Variants in NELL2 observed in about 807,000 individuals in gnomAD.
NELL2 encodes the protein protein kinase C-binding protein NELL2.
Under a neutral mutation model 109.6 loss-of-function variants are expected in NELL2, and 41 were observed. The ratio of observed to expected loss-of-function variants is 0.37; its 90% CI spans 0.29 to 0.49. NELL2 has a LOEUF of 0.49. Ranked by LOEUF, NELL2 falls within the 20% of genes least tolerant of loss-of-function variation. The pLI is 0.98. For missense variants in NELL2, 900 were observed against 1,008.3 expected (o/e 0.89, Z 1.45); for synonymous variants, 355 against 344.7 (o/e 1.03, Z -0.33).
At chr12:44,779,811 G>C (rs1941887640) in intron 4 of NELL2, 38 bp downstream of exon 4, 3 of 1,613,278 alleles carry the variant, frequency 1.9e-6, no homozygotes, top group Non-Finnish European at 2.5e-6. Flanking sequence ...TCATTTCTTA[G>C]AATCTTCCAT....
chr12:44,832,670 A>G (rs1407840340), intron 2 of NELL2, among the ~76,000 whole-genome samples: 2 of 152,350 alleles, frequency 1.3e-5, no homozygotes, highest in East Asian at 3.9e-4. Context: ...ATTGCCACCT[A>G]TTTTAATATT....
rs545964873 is a variant in NELL2 at position 44,831,076 on chromosome 12, C to A, written c.185-14940G>T. On this transcript the variant is annotated intron_variant, in intron 2 of 19. Transcript: ENST00000429094. ...ACAACCCACCACCAGCCCCATCTTACCACCCTCTTGAAGTTTTTCCCACCA... is the reference window on the plus strand; with the variant it reads ...ACAACCCACCACCAGCCCCATCTTAACACCCTCTTGAAGTTTTTCCCACCA... Among the ~76,000 whole-genome samples the A allele has an allele frequency of 1.5e-4, 23 of 152,136 alleles. No individual in the cohort carries two copies. In the East Asian group the frequency reaches 4.3e-3, roughly 28 times the overall value.
chr12:44,550,031 C>CACAGAA (rs1277540117), intron 15 of NELL2, among the ~76,000 whole-genome samples: 1 of 152,064 alleles, frequency 6.6e-6, no homozygotes, highest in Non-Finnish European at 1.5e-5. Flanking sequence ...ATGGTACTGG[C>CACAGAA]ACAGAAACAG....
chr12:44,655,671 C>T (rs1947474534), intron 13 of NELL2, among the ~76,000 whole-genome samples: 1 of 152,084 alleles, frequency 6.6e-6, no homozygotes, highest in Non-Finnish European at 1.5e-5. Flanking sequence ...ACATGCTTTT[C>T]TAGAGATGCT....
intron 15 of NELL2, among the ~76,000 whole-genome samples, chr12:44,565,341 C>G (rs954976761): frequency 2.6e-5 from 4 of 152,100 alleles, no homozygotes; most frequent in Admixed American, 1.3e-4. Context: ...ACTAAAAATG[C>G]TGCCAATTAA....
chr12:44,586,391 T>G (rs1274867309), intron 15 of NELL2, among the ~76,000 whole-genome samples: 1 of 151,246 alleles, frequency 6.6e-6, no homozygotes, highest in Non-Finnish European at 1.5e-5. Context: ...ATTAAATACA[T>G]GAGTCTTAAA....
intron 2 of NELL2, among the ~76,000 whole-genome samples, chr12:44,833,134 T>C (rs1156667707): frequency 1.3e-5 from 2 of 152,210 alleles, no homozygotes; most frequent in Non-Finnish European, 1.5e-5. Context: ...ACTTAACAAA[T>C]AAATGTTTTG....
chr12:44,722,314 C>T (rs1196024838), intron 9 of NELL2, among the ~76,000 whole-genome samples: 3 of 152,120 alleles, frequency 2.0e-5, no homozygotes, highest in Admixed American at 6.5e-5. Context: ...TACAGGCATG[C>T]GCCAAAATGC....
At chr12:44,781,419 T>C (rs534656355) in intron 3 of NELL2, among the ~76,000 whole-genome samples, 1 of 152,068 alleles carries the variant, frequency 6.6e-6, no homozygotes, top group African/African-American at 2.4e-5. Flanking sequence ...ATCTAACATT[T>C]GTATCACTAG....
chr12:44,670,894 G>T (rs1948116603), intron 12 of NELL2, among the ~76,000 whole-genome samples: 1 of 152,096 alleles, frequency 6.6e-6, no homozygotes, highest in Admixed American at 6.5e-5. Flanking sequence ...AGATCATATA[G>T]ACAGAAAATC....
chr12:44,628,454 A>G (rs188857815), intron 13 of NELL2, among the ~76,000 whole-genome samples: 1 of 152,250 alleles, frequency 6.6e-6, no homozygotes, highest in Non-Finnish European at 1.5e-5. Flanking sequence ...GTTGAAATAC[A>G]TTTGTTCATC....
intron 1 of NELL2, among the ~76,000 whole-genome samples, chr12:44,910,984 C>T (rs1443275553): frequency 1.3e-5 from 2 of 151,846 alleles, no homozygotes; most frequent in African/African-American, 4.8e-5. Flanking sequence ...CAATAATAGA[C>T]ACTGGAGACG....
At chr12:44,653,777 A>G (rs1370462073) in intron 13 of NELL2, among the ~76,000 whole-genome samples, 1 of 152,200 alleles carries the variant, frequency 6.6e-6, no homozygotes, top group Non-Finnish European at 1.5e-5. Flanking sequence ...AAGAAAAATA[A>G]CATACAACAA....
intron 12 of NELL2, among the ~76,000 whole-genome samples, chr12:44,693,822 A>T (rs754766049): frequency 8.5e-5 from 13 of 152,228 alleles, no homozygotes; most frequent in Non-Finnish European, 1.3e-4. Flanking sequence ...AGAAGGAATG[A>T]TTCTCATGAA....
At chr12:44,883,065 T>C (rs1274991660) in intron 1 of NELL2, among the ~76,000 whole-genome samples, 2 of 150,888 alleles carry the variant, frequency 1.3e-5, no homozygotes, top group African/African-American at 4.9e-5. Flanking sequence ...GCCAGGCTGA[T>C]CTTGAACTCC....
intron 1 of NELL2, among the ~76,000 whole-genome samples, chr12:44,906,394 A>C (rs1434495901): frequency 6.6e-6 from 1 of 152,148 alleles, no homozygotes; most frequent in Non-Finnish European, 1.5e-5. Context: ...ATGATATGAC[A>C]TATTTAAAAC....
At chr12:44,641,749 T>G (rs374317776) in intron 13 of NELL2, among the ~76,000 whole-genome samples, 2 of 140,810 alleles carry the variant, frequency 1.4e-5, no homozygotes, top group East Asian at 4.4e-4. Context: ...CAGGCTGGAG[T>G]TCAGTGGTGG....
At chr12:44,599,814 C>A (rs917794906) in intron 15 of NELL2, among the ~76,000 whole-genome samples, 1 of 151,874 alleles carries the variant, frequency 6.6e-6, no homozygotes, top group Non-Finnish European at 1.5e-5. Context: ...GAAAAGGGAA[C>A]CTTGAAAGTA....
chr12:44,711,435 T>C (rs1370951092), intron 10 of NELL2, 41 bp from the exon 11 acceptor site: 2 of 1,525,264 alleles, frequency 1.3e-6, no homozygotes, highest in South Asian at 1.1e-5. Flanking sequence ...ATTTTATCAT[T>C]AGGACTTGTT....
Sources: allele counts gnomAD v4.1 joint callset (sites outside exome capture counted in the v4.1 genomes callset), GRCh38; gene constraint gnomAD v4.1.1; transcripts MANE v1.5; gene names NCBI Gene and HGNC (gene_info 2026-07-23, HGNC 2026-07-21).